The following ROBO2 variants were observed in gnomAD, a reference collection of about 807,000 sequenced individuals.
The protein encoded by ROBO2 is roundabout homolog 2.
A neutral mutation model predicts 160.8 loss-of-function variants in ROBO2; 53 were observed. The ratio of observed to expected loss-of-function variants is 0.33; its 90% confidence interval spans 0.26 to 0.41. The LOEUF (loss-of-function observed/expected upper bound fraction) is 0.41. Ranked by LOEUF, ROBO2 falls within the 10% of genes least tolerant of loss-of-function variation. The pLI, the probability that ROBO2 is intolerant of heterozygous loss-of-function variation, is 1.00. For synonymous variants in ROBO2, 664 were observed against 611.7 expected (o/e 1.09, Z -1.26); for missense variants, 1,577 against 1,722.4 (o/e 0.92, Z 1.49).
At chr3:77,572,024 T>C (rs2153668758) in intron 13 of ROBO2, among the ~76,000 whole-genome samples, 1 of 152,016 alleles carries the variant, frequency 6.6e-6, no homozygotes, top group East Asian at 1.9e-4. Context: ...CAAAACAATG[T>C]TTTGTGGTAA....
chr3:77,529,887 T>C (rs980915279), intron 6 of ROBO2, among the ~76,000 whole-genome samples: 1 of 151,984 alleles, frequency 6.6e-6, no homozygotes, highest in Non-Finnish European at 1.5e-5. Context: ...TATGTTTTAA[T>C]TGGATTTCCA....
At chr3:77,240,545 G>A (rs1056538570) in intron 2 of ROBO2, among the ~76,000 whole-genome samples, 9 of 152,264 alleles carry the variant, frequency 5.9e-5, no homozygotes, top group East Asian at 1.9e-4. Context: ...CTGCAGCAGC[G>A]GGCTGAAGGG....
intron 2 of ROBO2, among the ~76,000 whole-genome samples, chr3:77,362,876 C>G (rs1192516845): frequency 6.6e-6 from 1 of 152,076 alleles, no homozygotes; most frequent in South Asian, 2.1e-4. Flanking sequence ...ATAAAACCAT[C>G]AGATCTTGTG....
At chr3:75,985,932 T>G (rs2065401480) in intron 2 of ROBO2, among the ~76,000 whole-genome samples, 1 of 151,740 alleles carries the variant, frequency 6.6e-6, no homozygotes, top group African/African-American at 2.4e-5. Context: ...CACATTTTGC[T>G]TATCCATTAA....
intron 2 of ROBO2, among the ~76,000 whole-genome samples, chr3:76,898,322 T>C (rs1954586729): frequency 6.6e-6 from 1 of 152,072 alleles, no homozygotes; most frequent in African/African-American, 2.4e-5. Flanking sequence ...ATCCCAAAAT[T>C]AAGATAAACA....
In ROBO2 at chr3:76,110,637, G is replaced by T. The variant is rs186914312; in HGVS notation, c.109+173035G>T. ...TCCTATGGAATCTTGAAAGTCTAAA[G>T]CCCTTTTTACATCCCTGTGCAGTGT... On this transcript the variant is annotated intron_variant, in intron 2 of 26. Coordinates refer to the ROBO2 transcript ENST00000487694. Among the ~76,000 whole-genome samples the T allele has an allele frequency of 5.3e-4, 80 of 152,142 alleles. 1 individual carries two copies. Among genetic ancestry groups the T allele is most frequent in the African/African-American group, 1.8e-3 (76 of 41,534 alleles).
At chr3:76,281,888 A>G (rs1708252146) in intron 2 of ROBO2, among the ~76,000 whole-genome samples, 1 of 151,998 alleles carries the variant, frequency 6.6e-6, no homozygotes, top group Non-Finnish European at 1.5e-5. Flanking sequence ...AGATCCAAAG[A>G]TAAAGTGTTC....
intron 2 of ROBO2, among the ~76,000 whole-genome samples, chr3:76,807,256 C>G (rs865842023): frequency 6.6e-6 from 1 of 151,964 alleles, no homozygotes; most frequent in Admixed American, 6.6e-5. Context: ...TTCATAACAA[C>G]CTGAACTTGT....
At chr3:77,621,183 T>C (rs1375837745) in intron 22 of ROBO2, among the ~76,000 whole-genome samples, 1 of 152,178 alleles carries the variant, frequency 6.6e-6, no homozygotes, top group Non-Finnish European at 1.5e-5. Flanking sequence ...CCCAGCACTT[T>C]GGGTTGCTGA....
intron 2 of ROBO2, among the ~76,000 whole-genome samples, chr3:76,934,704 C>T (rs954466733): frequency 1.3e-5 from 2 of 151,954 alleles, no homozygotes; most frequent in African/African-American, 2.4e-5. Context: ...TATACCGCCA[C>T]TGCACTCCAG....
intron 1 of ROBO2, among the ~76,000 whole-genome samples, chr3:77,045,011 T>G (rs2149647405): frequency 6.6e-6 from 1 of 152,110 alleles, no homozygotes; most frequent in South Asian, 2.1e-4. Context: ...TACTTGAGGG[T>G]TTAAGGTCTT....
intron 2 of ROBO2, among the ~76,000 whole-genome samples, chr3:76,644,371 G>A (rs571563390): frequency 1.3e-5 from 2 of 152,216 alleles, no homozygotes; most frequent in South Asian, 4.1e-4. Flanking sequence ...ATATTAAAAC[G>A]AGATTTGCAT....
chr3:76,017,221 T>C (rs780080816), intron 2 of ROBO2, among the ~76,000 whole-genome samples: 1 of 152,300 alleles, frequency 6.6e-6, no homozygotes, highest in African/African-American at 2.4e-5. Context: ...ACAATCGTGA[T>C]GTATGCAAAG....
intron 5 of ROBO2, among the ~76,000 whole-genome samples, chr3:77,518,458 CTGTT>C (rs1276937125): frequency 1.3e-5 from 2 of 151,434 alleles, no homozygotes; most frequent in South Asian, 2.1e-4. Context: ...TACTCAAAGT[CTGTT>C]TGTTTTTAAA....
intron 2 of ROBO2, among the ~76,000 whole-genome samples, chr3:76,539,235 T>C (rs544022517): frequency 2.0e-5 from 3 of 151,864 alleles, no homozygotes; most frequent in African/African-American, 7.3e-5. Flanking sequence ...AGGATAAATA[T>C]GTAATGCATG....
At chr3:77,456,884 G>C (rs1342330187) in intron 2 of ROBO2, among the ~76,000 whole-genome samples, 1 of 152,028 alleles carries the variant, frequency 6.6e-6, no homozygotes, top group East Asian at 1.9e-4. Flanking sequence ...TGTAGATATG[G>C]CAATGTGAGG....
intron 2 of ROBO2, among the ~76,000 whole-genome samples, chr3:76,961,270 A>C: frequency 6.8e-6 from 1 of 147,884 alleles, no homozygotes; most frequent in Admixed American, 6.8e-5. Flanking sequence ...AAAAAAAAAC[A>C]CTAGTTTAGA....
chr3:77,213,861 T>G lies in ROBO2; in HGVS notation c.388+115521T>G, dbSNP rs57607453. Among the ~76,000 whole-genome samples the G allele has an allele frequency of 4.1e-3, 627 of 152,296 alleles. 3 individuals are homozygous for G. Among genetic ancestry groups the G allele is most frequent in the African/African-American group, 0.014 (584 of 41,554 alleles). On this transcript the variant is annotated intron_variant, in intron 2 of 25. Transcript: ENST00000461745. ...ACCCAGTAGTCATTCAGGAGCAGGT[T>G]GTTTGGTTTCCATGTAGTTGAGCGG...
At chr3:76,177,896 C>A (rs1477977198) in intron 2 of ROBO2, among the ~76,000 whole-genome samples, 2 of 152,118 alleles carry the variant, frequency 1.3e-5, no homozygotes, top group Admixed American at 1.3e-4. Context: ...CAGCAGGCAG[C>A]CCTGTTTGCC....
Sources: gnomAD v4.1 joint callset for allele counts (sites outside exome capture counted in the v4.1 genomes callset) on GRCh38, gnomAD v4.1.1 for gene constraint, MANE v1.5 for transcripts, NCBI Gene and HGNC (gene_info 2026-07-23, HGNC 2026-07-21) for gene names.